Variants in MAPKAP1 observed in about 807,000 individuals in gnomAD.
MAPKAP1 encodes MAPK associated protein 1.
In MAPKAP1, 20 loss-of-function variants were observed where a neutral mutation model predicts 65.7. The observed-to-expected ratio is 0.30, with a 90% CI of 0.21 to 0.44. The LOEUF (loss-of-function observed/expected upper bound fraction) is 0.44, where lower values mean the gene tolerates loss of function less well. Ranked by LOEUF, MAPKAP1 falls within the 20% of genes least tolerant of loss-of-function variation. MAPKAP1 has a pLI of 1.00. For synonymous variants in MAPKAP1, 222 were observed against 244.3 expected (o/e 0.91, Z 0.85); for missense variants, 423 against 648.0 (o/e 0.65, Z 3.77).
Position 125,439,103 on chromosome 9 carries a change from T to C in MAPKAP1, c.1444-91A>G. On this transcript the variant is annotated intron_variant, in intron 11 of 11. Transcript: ENST00000265960. The surrounding 1 kb of genome is among the most constrained non-coding windows in gnomAD (Gnocchi z 4.0). ...GGGGGTGGCAGGGAAGGCCCTGACC[T>C]GGGCCGGGTGCCTCAGGGCCAGGTG... 1 of 1,487,652 alleles carries C rather than the reference T, an allele frequency of 6.7e-7. No individual in the cohort carries two copies. The allele number at this position is 1,487,652 out of a possible 1,614,324, so 92.2% of individuals were successfully genotyped here. A position where few individuals can be genotyped will look rare whatever the true frequency, so the allele number is the denominator to read the frequency against.
chr9:125,699,138 A>G (rs937710315), intron 1 of MAPKAP1, among the ~76,000 whole-genome samples: 4 of 152,202 alleles, frequency 2.6e-5, no homozygotes, highest in African/African-American at 4.8e-5. Context: ...ATAAGACACA[A>G]GTCTAAACAC....
intron 1 of MAPKAP1, among the ~76,000 whole-genome samples, chr9:125,696,902 C>G (rs961704120): frequency 7.1e-5 from 8 of 112,744 alleles, no homozygotes; most frequent in Non-Finnish European, 1.2e-4. Flanking sequence ...ACCAAAAAAT[C>G]ACTTCCCAAA....
chr9:125,668,882 C>T (rs1834416264), intron 3 of MAPKAP1, among the ~76,000 whole-genome samples: 1 of 152,178 alleles, frequency 6.6e-6, no homozygotes, highest in African/African-American at 2.4e-5. Context: ...AACCTGGAAA[C>T]TCATCCAAAA....
chr9:125,691,291 C>G lies in MAPKAP1; in HGVS notation c.-70+15680G>C, dbSNP rs113335885. Among the ~76,000 whole-genome samples, 413 of 152,048 alleles carry G rather than the reference C, an allele frequency of 2.7e-3. 2 individuals are homozygous for G. The highest frequency in any genetic ancestry group is 9.4e-3 in the African/African-American group (389 of 41,442). ...CAAAACAAAACAAAACAAAACAAAA[C>G]TGGTAGAACTCGGTGACTGAGTGAA... On this transcript the variant is annotated intron_variant, in intron 1 of 11. Transcript: ENST00000265960.
chr9:125,503,633 A>G (rs996720840), intron 8 of MAPKAP1, among the ~76,000 whole-genome samples: 3 of 152,324 alleles, frequency 2.0e-5, no homozygotes, highest in African/African-American at 4.8e-5. Flanking sequence ...AATGTTAAAT[A>G]TTAGAAATAA....
chr9:125,553,533 A>T (rs1830646675), intron 6 of MAPKAP1, among the ~76,000 whole-genome samples: 2 of 150,832 alleles, frequency 1.3e-5, no homozygotes, highest in Non-Finnish European at 3.0e-5. Context: ...CAAGAGTGAA[A>T]CTCTACCCAA....
At chr9:125,683,604 G>C (rs1834887499) in intron 1 of MAPKAP1, among the ~76,000 whole-genome samples, 1 of 152,166 alleles carries the variant, frequency 6.6e-6, no homozygotes, top group East Asian at 1.9e-4. Context: ...CAACCTGAGA[G>C]AGATTGGAAG....
At chr9:125,444,427 C>T (rs1409179334) in intron 11 of MAPKAP1, 74 bp downstream of exon 11, 9 of 1,174,612 alleles carry the variant, frequency 7.7e-6, no homozygotes, top group South Asian at 4.1e-5. Context: ...GGTGGGGCTG[C>T]GGCCATGCCG....
At chr9:125,603,775 T>C (rs1192889257) in intron 4 of MAPKAP1, among the ~76,000 whole-genome samples, 1 of 152,008 alleles carries the variant, frequency 6.6e-6, no homozygotes, top group Admixed American at 6.5e-5. Flanking sequence ...GTTCCCCTGC[T>C]GCGAACACAG....
At chr9:125,678,729 A>G (rs1588066524) in intron 1 of MAPKAP1, among the ~76,000 whole-genome samples, 1 of 152,246 alleles carries the variant, frequency 6.6e-6, no homozygotes, top group Non-Finnish European at 1.5e-5. Flanking sequence ...AACTAGGAAC[A>G]TGTTCTAAAC....
intron 7 of MAPKAP1, among the ~76,000 whole-genome samples, chr9:125,529,121 C>T (rs1252995242): frequency 6.8e-6 from 1 of 148,026 alleles, no homozygotes; most frequent in African/African-American, 2.5e-5. Context: ...TTGCAGTGGG[C>T]CAAGGTTGCA....
At position 125,672,175 on chromosome 9, in the gene MAPKAP1, T is replaced by TC. The variant is rs770736975; in HGVS notation, c.259+140dup. On this transcript the variant is annotated intron_variant, in intron 2 of 11. Coordinates refer to ENST00000265960, the MANE Select transcript of MAPKAP1 (RefSeq NM_001006617.3). ...GCAGAGATGGAGATGTTGCTCAGAC[T>TC]CACTCTTAGTCTGACATATGCATGT... 3.5e-6 allele frequency: 3 copies of TC among 861,866 alleles called. No homozygotes were observed. The East Asian group carries it at 7.9e-5, about 23-fold the overall frequency. The allele number at this position is 861,866 out of a possible 1,614,324, so 53.4% of individuals were successfully genotyped here.
At position 125,693,675 on chromosome 9, in the gene MAPKAP1, G is replaced by A. The variant is rs561103870; in HGVS notation, c.-70+13296C>T. Among the ~76,000 whole-genome samples the A allele has an allele frequency of 5.3e-3, 593 of 111,258 alleles. 39 individuals are homozygous for A. Among genetic ancestry groups the A allele is most frequent in the African/African-American group, 0.018 (562 of 30,604 alleles). 73.0% of individuals were successfully genotyped at this position (111,258 alleles called of 152,430 possible). On this transcript the variant is annotated intron_variant, in intron 1 of 11. Transcript: ENST00000265960. ...CGTATACATACACACACATATACAC[G>A]TATATATACACGTATATATACACGT...
intron 6 of MAPKAP1, among the ~76,000 whole-genome samples, chr9:125,546,174 C>T (rs939533457): frequency 1.3e-5 from 2 of 152,170 alleles, no homozygotes; most frequent in South Asian, 2.1e-4. Flanking sequence ...GGGGCACACA[C>T]GGCCCTCGGA....
chr9:125,480,514 C>G (rs1854268401), intron 9 of MAPKAP1, among the ~76,000 whole-genome samples: 1 of 152,172 alleles, frequency 6.6e-6, no homozygotes, highest in Admixed American at 6.5e-5. Context: ...GTCTACCTGA[C>G]AAGTCTCCAT....
intron 7 of MAPKAP1, among the ~76,000 whole-genome samples, chr9:125,541,714 T>C (rs1048094714): frequency 5.3e-5 from 8 of 152,166 alleles, no homozygotes; most frequent in Non-Finnish European, 1.0e-4. Context: ...AAAGAGGTGT[T>C]TGGAAAAACC....
rs948139997 is a variant in MAPKAP1 at position 125,503,740 on chromosome 9, G to A, written c.1066+2570C>T. On this transcript the variant is annotated intron_variant, in intron 8 of 11. Coordinates refer to ENST00000265960, the MANE Select transcript of MAPKAP1 (RefSeq NM_001006617.3). ...TCTTTCTTTCTTTTTTTTTTGAGACGGAATCTCACTCTGTCACCCAGGCTG... is the reference window on the plus strand; with the variant it reads ...TCTTTCTTTCTTTTTTTTTTGAGACAGAATCTCACTCTGTCACCCAGGCTG... Among the ~76,000 whole-genome samples the A allele has an allele frequency of 3.4e-5, 5 of 148,868 alleles. No homozygotes were observed. The South Asian group carries it at 6.4e-4, about 19-fold the overall frequency.
intron 9 of MAPKAP1, among the ~76,000 whole-genome samples, chr9:125,481,942 C>T (rs570636059): frequency 6.6e-6 from 1 of 151,420 alleles, no homozygotes; most frequent in Non-Finnish European, 1.5e-5. Flanking sequence ...ACCAGCCTGG[C>T]CACATGGTGA....
Position 125,595,507 on chromosome 9 carries a change from T to C in MAPKAP1, c.499-9780A>G, listed in dbSNP as rs1589323709. 1.8e-6 allele frequency: 2 copies of C among 1,096,334 alleles called. No individual in the cohort carries two copies. The highest frequency in any genetic ancestry group is 4.6e-5 in the Admixed American group (1 of 21,956). The allele number at this position is 1,096,334 out of a possible 1,614,324, so 67.9% of individuals were successfully genotyped here. A position where few individuals can be genotyped will look rare whatever the true frequency, so the allele number is the denominator to read the frequency against. ...TCATAAAATTAATTTCAAAATCATA[T>C]ACCTGATAGTTTCCAAAGTAGGAGA... On this transcript the variant is annotated intron_variant, in intron 4 of 11. Transcript: ENST00000265960. This position sits in a 1 kb window ranked among gnomAD's most constrained non-coding sequence, Gnocchi z 4.0.
Sources: allele counts gnomAD v4.1 joint callset (sites outside exome capture counted in the v4.1 genomes callset), GRCh38; gene constraint gnomAD v4.1.1; non-coding constraint Gnocchi (gnomAD v3.1); transcripts MANE v1.5; gene names NCBI Gene and HGNC (gene_info 2026-07-23, HGNC 2026-07-21).